The following ATXN7L1 variants were observed in gnomAD, a reference collection of about 807,000 sequenced individuals.
ATXN7L1 encodes ataxin 7 like 1.
Under a neutral mutation model 70.8 loss-of-function variants are expected in ATXN7L1, and 15 were observed. That is an observed-to-expected ratio of 0.21 (90% CI 0.14 to 0.33). The LOEUF (loss-of-function observed/expected upper bound fraction) is 0.33. Among genes scored for constraint, ATXN7L1 ranks in the 10% least tolerant of loss-of-function variants. The pLI is 1.00. For missense variants in ATXN7L1, 975 were observed against 1,097.1 expected (o/e 0.89, Z 1.57); for synonymous variants, 440 against 445.1 (o/e 0.99, Z 0.14).
chr7:105,689,508 T>C (rs904915156), intron 3 of ATXN7L1, among the ~76,000 whole-genome samples: 3 of 152,172 alleles, frequency 2.0e-5, no homozygotes, highest in South Asian at 2.1e-4. Flanking sequence ...TTCCATTCAC[T>C]TGGGCTGTGG....
intron 3 of ATXN7L1, among the ~76,000 whole-genome samples, chr7:105,732,759 C>G (rs1796719637): frequency 6.6e-6 from 1 of 152,166 alleles, no homozygotes; most frequent in African/African-American, 2.4e-5. Context: ...CTCTTCTGCT[C>G]AAATCCCTTT....
At chr7:105,780,328 G>C (rs1191159365) in intron 3 of ATXN7L1, among the ~76,000 whole-genome samples, 1 of 152,152 alleles carries the variant, frequency 6.6e-6, no homozygotes, top group Non-Finnish European at 1.5e-5. Flanking sequence ...CCTCACTCCA[G>C]GGGTGAGTTT....
At chr7:105,755,573 G>C (rs1799707836) in intron 3 of ATXN7L1, among the ~76,000 whole-genome samples, 2 of 152,182 alleles carry the variant, frequency 1.3e-5, no homozygotes, top group African/African-American at 4.8e-5. Context: ...TCTGTAGCCA[G>C]AGCCTAGAAA....
chr7:105,835,297 G>GT (rs1812215297), intron 2 of ATXN7L1, among the ~76,000 whole-genome samples: 1 of 151,454 alleles, frequency 6.6e-6, no homozygotes, highest in Admixed American at 6.6e-5. Flanking sequence ...TGGGACTACA[G>GT]GCGCATGCCA....
intron 4 of ATXN7L1, among the ~76,000 whole-genome samples, chr7:105,654,508 C>A (rs1474122163): frequency 1.3e-5 from 2 of 152,246 alleles, no homozygotes; most frequent in Non-Finnish European, 2.9e-5. Flanking sequence ...TACTGTAGCA[C>A]TGGAAGCCAG....
At chr7:105,788,568 C>G in intron 3 of ATXN7L1, 36 bp downstream of exon 3, 18 of 1,526,448 alleles carry the variant, frequency 1.2e-5, no homozygotes, top group Non-Finnish European at 1.6e-5. Context: ...AGGGCGGCAG[C>G]TGCAGATGTG....
chr7:105,808,541 T>C (rs1047453427), intron 2 of ATXN7L1, among the ~76,000 whole-genome samples: 2 of 152,148 alleles, frequency 1.3e-5, no homozygotes, highest in Non-Finnish European at 2.9e-5. Context: ...AAGCATCAAC[T>C]AATTAGAAGC....
intron 4 of ATXN7L1, among the ~76,000 whole-genome samples, chr7:105,658,679 C>T (rs111955360): frequency 6.6e-6 from 1 of 151,824 alleles, no homozygotes; most frequent in Non-Finnish European, 1.5e-5. Flanking sequence ...TACAGGCATG[C>T]GCCACCATGC....
At chr7:105,766,707 G>T (rs1801304990) in intron 3 of ATXN7L1, among the ~76,000 whole-genome samples, 1 of 152,216 alleles carries the variant, frequency 6.6e-6, no homozygotes, top group South Asian at 2.1e-4. Flanking sequence ...ACGATCCTGT[G>T]TTTGGACACC....
intron 3 of ATXN7L1, among the ~76,000 whole-genome samples, chr7:105,770,498 C>T (rs893472495): frequency 6.6e-6 from 1 of 152,148 alleles, no homozygotes; most frequent in Non-Finnish European, 1.5e-5. Context: ...CAGACTTTTC[C>T]TCAGGGCATT....
At chr7:105,620,796 G>A (rs991092826) in intron 8 of ATXN7L1, among the ~76,000 whole-genome samples, 4 of 151,934 alleles carry the variant, frequency 2.6e-5, no homozygotes, top group South Asian at 2.1e-4. Flanking sequence ...TAGGGAGGCT[G>A]AGGCAGGGGA....
intron 4 of ATXN7L1, among the ~76,000 whole-genome samples, chr7:105,651,339 C>G (rs962608191): frequency 2.0e-5 from 3 of 152,248 alleles, no homozygotes; most frequent in African/African-American, 7.2e-5. Context: ...GTGCCAGGCA[C>G]ATAGCAGACT....
At chr7:105,765,462 C>T (rs1297035240) in intron 3 of ATXN7L1, among the ~76,000 whole-genome samples, 1 of 152,164 alleles carries the variant, frequency 6.6e-6, no homozygotes, top group African/African-American at 2.4e-5. Flanking sequence ...GTAGCAAACA[C>T]ATACAGTCTG....
chr7:105,714,665 G>GT (rs199706713), intron 3 of ATXN7L1, among the ~76,000 whole-genome samples: 2,543 of 125,946 alleles, frequency 0.02, 56 homozygotes, highest in South Asian at 0.12. Context: ...TTCTGTTTTT[G>GT]TTTTTGTTTT....
At chr7:105,687,158 A>AC (rs1790026208) in intron 3 of ATXN7L1, among the ~76,000 whole-genome samples, 2 of 152,296 alleles carry the variant, frequency 1.3e-5, no homozygotes, top group South Asian at 4.1e-4. Context: ...TTGACTATGC[A>AC]CCCACACAGA....
At position 105,620,329 on chromosome 7, in the gene ATXN7L1, GA is replaced by G. The variant is rs554942868; in HGVS notation, c.1396-9del. 9.2e-6 allele frequency: 14 copies of G among 1,523,774 alleles called. No homozygotes were observed. The highest frequency in any genetic ancestry group is 2.8e-5 in the African/African-American group (2 of 70,868). The allele number at this position is 1,523,774 out of a possible 1,614,324, so 94.4% of individuals were successfully genotyped here. A position where few individuals can be genotyped will look rare whatever the true frequency, so the allele number is the denominator to read the frequency against. On this transcript the variant is annotated splice_polypyrimidine_tract_variant and intron_variant, in intron 8 of 11. Coordinates refer to ENST00000419735, the MANE Select transcript of ATXN7L1 (RefSeq NM_020725.2). ...ACTCCCAAATGAGCAAAACTGTGAG[GA>G]AAAAAAAATTTTAATTTTGATTACA... is the stretch of plus-strand genomic sequence containing the variant.
intron 3 of ATXN7L1, among the ~76,000 whole-genome samples, chr7:105,739,659 G>C (rs760240576): frequency 3.3e-5 from 5 of 152,174 alleles, no homozygotes; most frequent in African/African-American, 7.2e-5. Context: ...GAAGAAAGTA[G>C]ATTAGATCAG....
At chr7:105,648,522 A>T (rs1799397248) in intron 4 of ATXN7L1, among the ~76,000 whole-genome samples, 1 of 152,220 alleles carries the variant, frequency 6.6e-6, no homozygotes, top group African/African-American at 2.4e-5. Flanking sequence ...GTGCCACAGA[A>T]TCTGGAAAGC....
rs535012299 is a variant in ATXN7L1 at position 105,808,649 on chromosome 7, T to A, written c.251-19941A>T. On this transcript the variant is annotated intron_variant, in intron 2 of 11. Coordinates refer to ENST00000419735, the MANE Select transcript of ATXN7L1 (RefSeq NM_020725.2). ...AACAAAACAAAAAACTGCTAGGATGTCACTTTGCCCAAGCATATTTATAAA... is the reference window on the plus strand; with the variant it reads ...AACAAAACAAAAAACTGCTAGGATGACACTTTGCCCAAGCATATTTATAAA... 3.9e-5 allele frequency among the ~76,000 whole-genome samples: 6 copies of A among 152,326 alleles called. No individual in the cohort carries two copies. In the South Asian group the frequency reaches 8.3e-4, roughly 21 times the overall value.
Sources: allele counts gnomAD v4.1 joint callset (sites outside exome capture counted in the v4.1 genomes callset), GRCh38; gene constraint gnomAD v4.1.1; transcripts MANE v1.5; gene names NCBI Gene and HGNC (gene_info 2026-07-23, HGNC 2026-07-21).